KDM4C: variants seen among roughly 807,000 people sequenced by gnomAD.
KDM4C encodes lysine-specific demethylase 4C.
KDM4C carries 81 observed loss-of-function variants against 129.3 expected under a neutral mutation model. That is an observed-to-expected ratio of 0.63 (90% CI 0.52 to 0.75). The LOEUF is 0.75. KDM4C is among the 30% of genes least tolerant of loss of function. The pLI is 0.00. For missense variants in KDM4C, 1,457 were observed against 1,304.0 expected, an observed-to-expected ratio of 1.12 and a Z score of -1.81; for synonymous variants, 573 against 456.1, an observed-to-expected ratio of 1.26 and a Z score of -3.26.
intron 12 of KDM4C, among the ~76,000 whole-genome samples, chr9:6,992,923 A>G (rs1477268624): frequency 2.6e-5 from 4 of 152,216 alleles, no homozygotes; most frequent in African/African-American, 9.6e-5. Context: ...CACAGGGGAA[A>G]GTGACTTGGT....
chr9:7,068,999 T>C (rs1393745010), intron 17 of KDM4C, among the ~76,000 whole-genome samples: 1 of 152,052 alleles, frequency 6.6e-6, no homozygotes, highest in Non-Finnish European at 1.5e-5. Context: ...GCCTGGCCTA[T>C]GATGCCCTAC....
intron 17 of KDM4C, among the ~76,000 whole-genome samples, chr9:7,050,522 T>C (rs1830016363): frequency 6.6e-6 from 1 of 150,860 alleles, no homozygotes; most frequent in East Asian, 1.9e-4. Flanking sequence ...CAAAAAAAAG[T>C]TGAACTACCA....
chr9:6,917,701 T>G (rs1820578895), intron 8 of KDM4C, among the ~76,000 whole-genome samples: 1 of 152,190 alleles, frequency 6.6e-6, no homozygotes, highest in Non-Finnish European at 1.5e-5. Flanking sequence ...TCCTCATTCT[T>G]TGCTGATTGT....
At chr9:7,157,017 C>G (rs559867809) in intron 19 of KDM4C, among the ~76,000 whole-genome samples, 2 of 152,250 alleles carry the variant, frequency 1.3e-5, no homozygotes, top group African/African-American at 4.8e-5. Context: ...TTTGCGTCCT[C>G]TTTTATTTTG....
Position 6,981,112 on chromosome 9 carries a change from C to T in KDM4C, c.1109C>T (p.Ser370Phe), listed in dbSNP as rs746888411. 3 of 1,610,842 alleles carry T rather than the reference C, an allele frequency of 1.9e-6. No individual in the cohort carries two copies. Among genetic ancestry groups the T allele is most frequent in the Admixed American group, 1.7e-5 (1 of 59,286 alleles). ...LQRRRKVRKA[S>F]RSFQCARSTS... ...AGGAGGAGGAAAGTAAGAAAAGCAT[C>T]CCGAAGGTAATGACCCCTCACCCCA... Residue 370 changes from serine to phenylalanine, a missense_variant, in exon 9 of 22, where the codon TCC becomes TTC. Physicochemically the swap from Ser to Phe is radical, Grantham distance 155. Transcript: ENST00000381309.
intron 8 of KDM4C, among the ~76,000 whole-genome samples, chr9:6,923,347 T>C (rs1260835600): frequency 6.6e-6 from 1 of 152,210 alleles, no homozygotes; most frequent in East Asian, 1.9e-4. Flanking sequence ...GTAGTTGCAG[T>C]TTCCGTTTAA....
intron 17 of KDM4C, among the ~76,000 whole-genome samples, chr9:7,086,014 C>T (rs1835073731): frequency 6.6e-6 from 1 of 152,092 alleles, no homozygotes; most frequent in African/African-American, 2.4e-5. Flanking sequence ...AAACATTAGC[C>T]AGGCATAGTG....
intron 7 of KDM4C, among the ~76,000 whole-genome samples, chr9:6,891,920 C>T (rs940098711): frequency 6.6e-6 from 1 of 152,034 alleles, no homozygotes; most frequent in Admixed American, 6.6e-5. Context: ...ACAGATCAAA[C>T]TGTACATTTA....
chr9:7,171,955 T>A (rs1845009058), intron 21 of KDM4C, among the ~76,000 whole-genome samples: 1 of 152,224 alleles, frequency 6.6e-6, no homozygotes, highest in African/African-American at 2.4e-5. Context: ...TCACGGTCAC[T>A]AAGTCCTGTT....
chr9:7,076,030 G>T (rs1833870691), intron 17 of KDM4C, among the ~76,000 whole-genome samples: 1 of 152,170 alleles, frequency 6.6e-6, no homozygotes, highest in African/African-American at 2.4e-5. Context: ...TTTATGGCAT[G>T]TGAGCCTTGC....
Position 6,779,621 on chromosome 9 carries a change from C to G in KDM4C, c.-17-13351C>G, listed in dbSNP as rs542153660. Among the ~76,000 whole-genome samples, 41 of 152,308 alleles carry G rather than the reference C, an allele frequency of 2.7e-4. 1 individual carries two copies. The highest frequency in any genetic ancestry group is 9.1e-4 in the African/African-American group (38 of 41,582). On this transcript the variant is annotated intron_variant, in intron 1 of 21. Coordinates refer to ENST00000381309, the MANE Select transcript of KDM4C (RefSeq NM_015061.6). The stretch of plus-strand genomic sequence containing the variant: ...TGACAGCTCCTGCTGCAGCAGTGTT[C>G]TGGGAGACATCCCTGGGGATTGAGC...
chr9:6,852,469 A>G (rs1315155968), intron 5 of KDM4C, among the ~76,000 whole-genome samples: 1 of 152,170 alleles, frequency 6.6e-6, no homozygotes, highest in Non-Finnish European at 1.5e-5. Context: ...ACTCATGATC[A>G]GAGTCACAGG....
At chr9:7,060,946 A>C (rs1831575112) in intron 17 of KDM4C, among the ~76,000 whole-genome samples, 2 of 152,154 alleles carry the variant, frequency 1.3e-5, no homozygotes, top group South Asian at 2.1e-4. Flanking sequence ...CCCTTTCCTC[A>C]AAGGAAACCA....
chr9:7,019,100 G>T (rs1038792800), intron 15 of KDM4C, among the ~76,000 whole-genome samples: 1 of 152,072 alleles, frequency 6.6e-6, no homozygotes, highest in Non-Finnish European at 1.5e-5. Context: ...AAAAATAATT[G>T]AATGAAGTTT....
chr9:6,836,771 A>G (rs1364801830), intron 4 of KDM4C, among the ~76,000 whole-genome samples: 3 of 152,078 alleles, frequency 2.0e-5, no homozygotes, highest in South Asian at 4.1e-4. Context: ...TTTGTAAGCT[A>G]TTGTAATGTT....
In KDM4C at chr9:6,948,940, TTCTCTATTCGACGAAACCGCCATCGTCA is replaced by T. The variant is rs1355731956; in HGVS notation, c.922-31982_922-31955del. Among the ~76,000 whole-genome samples the T allele has an allele frequency of 5.4e-3, 823 of 152,280 alleles. 8 individuals are homozygous for T. Among genetic ancestry groups the T allele is most frequent in the African/African-American group, 0.017 (719 of 41,546 alleles). On this transcript the variant is annotated intron_variant, in intron 8 of 21. Transcript: ENST00000381309. ...TCTATCTTTTCCCCACATTTCCCCCTTCTCTATTCGACGAAACCGCCATCGTCATCATGGCCCGTTCTCATTGAGCTGT... is the reference window on the plus strand; with the variant it reads ...TCTATCTTTTCCCCACATTTCCCCCTTCATGGCCCGTTCTCATTGAGCTGT...
chr9:6,959,834 A>G (rs771319529), intron 8 of KDM4C, among the ~76,000 whole-genome samples: 2 of 152,112 alleles, frequency 1.3e-5, no homozygotes, highest in Non-Finnish European at 1.5e-5. Context: ...AACTTAATTT[A>G]TCACCAGGCA....
At chr9:6,814,131 C>A (rs915275155) in intron 3 of KDM4C, among the ~76,000 whole-genome samples, 4 of 152,076 alleles carry the variant, frequency 2.6e-5, no homozygotes, top group East Asian at 1.9e-4. Context: ...TATATTCCCA[C>A]TCTAGTTGTC....
intron 1 of KDM4C, among the ~76,000 whole-genome samples, chr9:6,745,472 C>T (rs888736110): frequency 9.3e-5 from 14 of 151,062 alleles, no homozygotes; most frequent in Admixed American, 6.6e-5. Context: ...TGTTGTGTGC[C>T]TGTAGTCCCA....
Sources: allele counts gnomAD v4.1 joint callset (sites outside exome capture counted in the v4.1 genomes callset), GRCh38; gene constraint gnomAD v4.1.1; transcripts MANE v1.5; gene names NCBI Gene and HGNC (gene_info 2026-07-23, HGNC 2026-07-21).